NAV1: variants seen among roughly 807,000 people sequenced by gnomAD.
The protein encoded by NAV1 is pore membrane and/or filament interacting like protein 3.
Under a neutral mutation model 175.2 loss-of-function variants are expected in NAV1, and 18 were observed. The observed-to-expected ratio is 0.10, with a 90% CI of 0.07 to 0.15. NAV1 has a LOEUF of 0.15. Among genes scored for constraint, NAV1 ranks in the 10% least tolerant of loss-of-function variants. The pLI is 1.00. For missense variants in NAV1, 1,731 were observed against 2,436.6 expected (o/e 0.71, Z 6.10); for synonymous variants, 897 against 978.7 (o/e 0.92, Z 1.56).
chr1:201,780,385 T>G, intron 3 of NAV1, 36 bp from the exon 8 acceptor site: 4 of 1,612,616 alleles, frequency 2.5e-6, no homozygotes, highest in Non-Finnish European at 2.5e-6. Context: ...TGGGCTTCTG[T>G]TTTAACGATT....
At chr1:201,682,115 CAAAAAAA>C (rs34550001) in intron 1 of NAV1, among the ~76,000 whole-genome samples, 2 of 83,474 alleles carry the variant, frequency 2.4e-5, no homozygotes, top group East Asian at 3.3e-4. Flanking sequence ...GACTCCATCT[CAAAAAAA>C]AAAAAAAAAA....
intron 1 of NAV1, among the ~76,000 whole-genome samples, chr1:201,562,398 A>C (rs1666228394): frequency 6.6e-6 from 1 of 152,198 alleles, no homozygotes; most frequent in South Asian, 2.1e-4. Context: ...AAGTGGAGAC[A>C]TCTGGATGGC....
intron 3 of NAV1, among the ~76,000 whole-genome samples, chr1:201,776,035 A>G (rs1571480794): frequency 6.6e-6 from 1 of 151,946 alleles, no homozygotes; most frequent in Non-Finnish European, 1.5e-5. Flanking sequence ...TAGCCTGGGT[A>G]AGAATACAAG....
intron 1 of NAV1, among the ~76,000 whole-genome samples, chr1:201,555,980 G>A (rs1347050000): frequency 6.6e-6 from 1 of 152,062 alleles, no homozygotes; most frequent in East Asian, 1.9e-4. Flanking sequence ...TTTGAGTTGG[G>A]AGACTTAGGA....
intron 1 of NAV1, among the ~76,000 whole-genome samples, chr1:201,656,292 G>C (rs1669398934): frequency 6.6e-6 from 1 of 152,240 alleles, no homozygotes; most frequent in Admixed American, 6.5e-5. Flanking sequence ...TTCTCAGGGT[G>C]CTTTCTCCTG....
chr1:201,568,245 G>C (rs144009735), intron 1 of NAV1, among the ~76,000 whole-genome samples: 53 of 152,268 alleles, frequency 3.5e-4, no homozygotes, highest in African/African-American at 1.3e-3. Flanking sequence ...TTTTAGTCTT[G>C]TGGGCAGCTC....
exon 30 of NAV1, chr1:201,820,132 C>T (rs1360222534): frequency 2.2e-5 from 12 of 546,872 alleles, no homozygotes; most frequent in Admixed American, 1.6e-4. Context: ...GGTGGGGTGG[C>T]GTTTGGGAAC....
chr1:201,590,164 A>AT (rs1220349236), intron 2 of NAV1, among the ~76,000 whole-genome samples: 1 of 152,220 alleles, frequency 6.6e-6, no homozygotes, highest in African/African-American at 2.4e-5. Flanking sequence ...AAGTACTGGG[A>AT]TTACAGGCAT....
Position 201,808,993 on chromosome 1 carries a change from G to A in NAV1, c.4207+122G>A, listed in dbSNP as rs927189951. 5.9e-6 allele frequency: 8 copies of A among 1,347,126 alleles called. No individual in the cohort carries two copies. The highest frequency in any genetic ancestry group is 1.5e-5 in the African/African-American group (1 of 68,610). 83.4% of individuals were successfully genotyped at this position (1,347,126 alleles called of 1,614,324 possible). On this transcript the variant is annotated intron_variant, in intron 20 of 29. Coordinates refer to ENST00000367296, the Ensembl canonical transcript of NAV1. The surrounding 1 kb of genome is among the most constrained non-coding windows in gnomAD (Gnocchi z 5.5). ...ATGCCGAAGCCAAGCAGATGCCAGT[G>A]TCCTAAGACACTGAGTTGTAATGGT...
rs777182396 is a variant in NAV1, at chr1:201,718,577, G to A, written c.1048G>A (p.Glu350Lys). 29 of 1,613,964 alleles carry A rather than the reference G, an allele frequency of 1.8e-5. No individual in the cohort carries two copies. The highest frequency in any genetic ancestry group is 2.2e-5 in the East Asian group (1 of 44,888). ...GACGCCCGCCTGGTACATGCACGGC[G>A]AACGGGCCCACTACTCCCACACCAT... The change falls in exon 3 of 30, where the codon GAA becomes AAA. Residue 350 changes from glutamate to lysine, a missense_variant. Coordinates refer to ENST00000367296, the Ensembl canonical transcript of NAV1. This position sits in a 1 kb window ranked among gnomAD's most constrained non-coding sequence, Gnocchi z 4.8.
At chr1:201,635,206 C>CT (rs3054496) in intron 2 of NAV1, among the ~76,000 whole-genome samples, 3,147 of 144,926 alleles carry the variant, frequency 0.022, 101 homozygotes, top group African/African-American at 0.069. Context: ...ACCTGGCTAT[C>CT]TTTTTTTTTT....
At chr1:201,660,666 A>G (rs1244731435) in intron 1 of NAV1, among the ~76,000 whole-genome samples, 1 of 152,244 alleles carries the variant, frequency 6.6e-6, no homozygotes, top group Non-Finnish European at 1.5e-5. Context: ...ATCAGCAACA[A>G]TAAGGACTAA....
chr1:201,605,342 G>A (rs1164821669), intron 2 of NAV1, among the ~76,000 whole-genome samples: 2 of 151,936 alleles, frequency 1.3e-5, no homozygotes, highest in Non-Finnish European at 2.9e-5. Flanking sequence ...ATGACAACAA[G>A]TATTGCCAAA....
chr1:201,575,485 G>A (rs1465377822), intron 1 of NAV1, among the ~76,000 whole-genome samples: 1 of 152,184 alleles, frequency 6.6e-6, no homozygotes, highest in Non-Finnish European at 1.5e-5. Flanking sequence ...GGCAGATCTT[G>A]TATTGAATTC....
chr1:201,676,443 A>T (rs910509209), intron 1 of NAV1, among the ~76,000 whole-genome samples: 2 of 152,232 alleles, frequency 1.3e-5, no homozygotes, highest in Non-Finnish European at 2.9e-5. Flanking sequence ...TCCTAGGCAC[A>T]GGCCCAGCTC....
At chr1:201,790,644 T>G (rs1052084624) in intron 12 of NAV1, 45 bp from the exon 17 acceptor site, 1 of 1,613,870 alleles carries the variant, frequency 6.2e-7, no homozygotes, top group African/African-American at 1.3e-5. Context: ...CCAAATCTTA[T>G]ACAGCTTCTG....
chr1:201,762,739 A>G (rs1228514089), intron 3 of NAV1, among the ~76,000 whole-genome samples: 5 of 152,202 alleles, frequency 3.3e-5, no homozygotes, highest in African/African-American at 1.2e-4. Flanking sequence ...AGTATTGTCA[A>G]TTATCTCTTA....
At chr1:201,592,072 C>T (rs1203616935) in intron 2 of NAV1, among the ~76,000 whole-genome samples, 1 of 152,178 alleles carries the variant, frequency 6.6e-6, no homozygotes, top group East Asian at 1.9e-4. Flanking sequence ...TCTCCCTCCC[C>T]TCTCAAGCCC....
At chr1:201,563,862 A>G (rs1040005156) in intron 1 of NAV1, among the ~76,000 whole-genome samples, 3 of 152,254 alleles carry the variant, frequency 2.0e-5, no homozygotes, top group African/African-American at 2.4e-5. Flanking sequence ...TGTGAGGCCA[A>G]GGCAGGAGAA....
Sources: allele counts gnomAD v4.1 joint callset (sites outside exome capture counted in the v4.1 genomes callset), GRCh38; gene constraint gnomAD v4.1.1; non-coding constraint Gnocchi (gnomAD v3.1); transcripts MANE v1.5; gene names NCBI Gene and HGNC (gene_info 2026-07-23, HGNC 2026-07-21).